LPP: variants seen among roughly 807,000 people sequenced by gnomAD.
LPP encodes LIM domain containing preferred translocation partner in lipoma.
A neutral mutation model predicts 60.4 loss-of-function variants in LPP; 38 were observed. The observed-to-expected ratio is 0.63, with a 90% CI of 0.49 to 0.83. The LOEUF is 0.83. Ranked by LOEUF, LPP falls within the 40% of genes least tolerant of loss-of-function variation. The probability of loss-of-function intolerance (pLI) is 0.00; values close to 1 mark genes in which losing one functional copy is unlikely to be tolerated. For synonymous variants in LPP, 328 were observed against 290.8 expected, an observed-to-expected ratio of 1.13 and a Z score of -1.30; for missense variants, 902 against 783.6, an observed-to-expected ratio of 1.15 and a Z score of -1.80.
chr3:188,629,592 C>A (rs1847485715), intron 7 of LPP, among the ~76,000 whole-genome samples: 1 of 151,878 alleles, frequency 6.6e-6, no homozygotes, highest in African/African-American at 2.4e-5. Flanking sequence ...TATGGAAAAT[C>A]ATTTCATGTT....
intron 1 of LPP, among the ~76,000 whole-genome samples, chr3:188,218,766 A>G (rs887042642): frequency 6.6e-6 from 1 of 152,210 alleles, no homozygotes; most frequent in Non-Finnish European, 1.5e-5. Context: ...GCACAGTGAG[A>G]TAAGTGCTAT....
At chr3:188,400,576 G>A (rs1782009962) in intron 3 of LPP, among the ~76,000 whole-genome samples, 1 of 152,138 alleles carries the variant, frequency 6.6e-6, no homozygotes, top group Admixed American at 6.5e-5. Context: ...AACCTCTTAG[G>A]TTCTTCTTAA....
rs1770952659 is a variant in LPP, at chr3:188,888,741, A to G, written c.*14262A>G. The G allele has an allele frequency of 4.5e-6, 1 of 221,214 alleles. No homozygotes were observed. The highest frequency in any genetic ancestry group is 6.6e-5 in the East Asian group (1 of 15,250). The allele number at this position is 221,214 out of a possible 1,614,324, so 13.7% of individuals were successfully genotyped here. A position where few individuals can be genotyped will look rare whatever the true frequency, so the allele number is the denominator to read the frequency against. On this transcript the variant is annotated 3_prime_UTR_variant, in exon 12 of 12. Coordinates refer to ENST00000617246, the MANE Select transcript of LPP (RefSeq NM_001375462.1). ...ATCAGAAAGAGTAGGTGCTGAGATA[A>G]GGAAACTTTGCCAAATGAAAGAAAG... is the stretch of plus-strand genomic sequence containing the variant.
intron 3 of LPP, among the ~76,000 whole-genome samples, chr3:188,385,389 C>A (rs1277867774): frequency 6.6e-6 from 1 of 152,018 alleles, no homozygotes; most frequent in Non-Finnish European, 1.5e-5. Context: ...TTCCTCGTGA[C>A]AGAGCTGAGA....
chr3:188,276,891 T>TTTG (rs1740074315), intron 2 of LPP, among the ~76,000 whole-genome samples: 1 of 78,988 alleles, frequency 1.3e-5, no homozygotes, highest in Non-Finnish European at 2.5e-5. Flanking sequence ...CTTCTTTTCT[T>TTTG]TTCTTTTTTT....
intron 3 of LPP, among the ~76,000 whole-genome samples, chr3:188,392,383 G>T (rs1469066759): frequency 2.0e-5 from 3 of 152,076 alleles, no homozygotes; most frequent in East Asian, 1.9e-4. Flanking sequence ...TACCATGTCT[G>T]GGGGGAGTTC....
At chr3:188,290,702 T>G (rs1745654801) in intron 2 of LPP, among the ~76,000 whole-genome samples, 1 of 152,242 alleles carries the variant, frequency 6.6e-6, no homozygotes, top group Non-Finnish European at 1.5e-5. Flanking sequence ...GTCCTTGACC[T>G]TTGTTTATCT....
intron 2 of LPP, among the ~76,000 whole-genome samples, chr3:188,334,078 G>T (rs1030558987): frequency 5.3e-5 from 8 of 152,054 alleles, no homozygotes; most frequent in Non-Finnish European, 1.0e-4. Flanking sequence ...CTATGTGATC[G>T]ATTTCTTTCA....
chr3:188,837,511 C>T (rs1380678764), intron 9 of LPP, among the ~76,000 whole-genome samples: 3 of 151,856 alleles, frequency 2.0e-5, no homozygotes, highest in African/African-American at 7.3e-5. Flanking sequence ...ATTTGATTTG[C>T]GTTTGGTCAG....
chr3:188,216,670 T>C (rs111232756), intron 1 of LPP, among the ~76,000 whole-genome samples: 166 of 152,336 alleles, frequency 1.1e-3, no homozygotes, highest in African/African-American at 3.9e-3. Flanking sequence ...TTGATGACAG[T>C]GAACATTTAG....
At chr3:188,363,035 TA>T (rs1268176195) in intron 3 of LPP, among the ~76,000 whole-genome samples, 2 of 22,248 alleles carry the variant, frequency 9.0e-5, no homozygotes, top group Non-Finnish European at 4.6e-4. Context: ...TTATTTTATT[TA>T]TTTTTTTTTT....
chr3:188,338,381 G>C (rs1762217391), intron 2 of LPP, among the ~76,000 whole-genome samples: 1 of 152,088 alleles, frequency 6.6e-6, no homozygotes, highest in Non-Finnish European at 1.5e-5. Context: ...GTTGCTTCTG[G>C]GGACAGACTT....
At chr3:188,187,029 T>C (rs552520422) in intron 1 of LPP, among the ~76,000 whole-genome samples, 4 of 152,264 alleles carry the variant, frequency 2.6e-5, no homozygotes, top group South Asian at 4.1e-4. Context: ...TTTTGTAAGA[T>C]GAAGATATTA....
At chr3:188,744,891 C>T (rs1725639888) in intron 8 of LPP, among the ~76,000 whole-genome samples, 1 of 152,060 alleles carries the variant, frequency 6.6e-6, no homozygotes, top group Admixed American at 6.6e-5. Flanking sequence ...TCCGATTTTC[C>T]TCCCATTCCT....
At chr3:188,540,668 A>G (rs937493564) in intron 6 of LPP, among the ~76,000 whole-genome samples, 1 of 152,198 alleles carries the variant, frequency 6.6e-6, no homozygotes, top group Non-Finnish European at 1.5e-5. Context: ...TGAGGACTAA[A>G]TGAGTTTCCA....
chr3:188,766,348 A>T (rs2150583260), intron 9 of LPP, among the ~76,000 whole-genome samples: 1 of 138,462 alleles, frequency 7.2e-6, no homozygotes, highest in African/African-American at 2.6e-5. Context: ...AAGCCCTTGT[A>T]TTTTCTTGAG....
chr3:188,694,809 A>T (rs1862897824), intron 7 of LPP, among the ~76,000 whole-genome samples: 1 of 152,174 alleles, frequency 6.6e-6, no homozygotes. Flanking sequence ...TTTGGTTTCC[A>T]TCTTTGTGCG....
intron 1 of LPP, among the ~76,000 whole-genome samples, chr3:188,187,441 A>G (rs1324444964): frequency 6.6e-6 from 1 of 152,008 alleles, no homozygotes; most frequent in Non-Finnish European, 1.5e-5. Flanking sequence ...TTTTATTTCT[A>G]TAGTAAATAG....
chr3:188,662,091 A>G (rs1192361164), intron 7 of LPP, among the ~76,000 whole-genome samples: 2 of 152,264 alleles, frequency 1.3e-5, no homozygotes. Flanking sequence ...TCCTTATGTG[A>G]AACAATAAAA....
Sources: allele counts gnomAD v4.1 joint callset (sites outside exome capture counted in the v4.1 genomes callset), GRCh38; gene constraint gnomAD v4.1.1; transcripts MANE v1.5; gene names NCBI Gene and HGNC (gene_info 2026-07-23, HGNC 2026-07-21).